The following TBC1D14 variants were observed in gnomAD, a reference collection of about 807,000 sequenced individuals.
TBC1D14 encodes TBC1 domain family member 14, also known as TBC1 domain family, member 14.
Under a neutral mutation model 79.0 loss-of-function variants are expected in TBC1D14, and 26 were observed. The ratio of observed to expected loss-of-function variants is 0.33; its 90% confidence interval spans 0.24 to 0.46. The LOEUF is 0.46. Among genes scored for constraint, TBC1D14 ranks in the 20% least tolerant of loss-of-function variants. The probability of loss-of-function intolerance (pLI) is 1.00; values close to 1 mark genes in which losing one functional copy is unlikely to be tolerated. For synonymous variants in TBC1D14, 394 were observed against 349.9 expected, an observed-to-expected ratio of 1.13 and a Z score of -1.40; for missense variants, 769 against 887.6, an observed-to-expected ratio of 0.87 and a Z score of 1.70.
intron 2 of TBC1D14, among the ~76,000 whole-genome samples, chr4:6,932,396 T>TG (rs1711846052): frequency 6.8e-6 from 1 of 147,418 alleles, no homozygotes; most frequent in African/African-American, 2.5e-5. Flanking sequence ...AAAAAAGACT[T>TG]GAAGATGTCA....
At chr4:6,940,895 C>T (rs1712841747) in intron 2 of TBC1D14, among the ~76,000 whole-genome samples, 1 of 152,144 alleles carries the variant, frequency 6.6e-6, no homozygotes, top group Admixed American at 6.5e-5. Context: ...TCACCGCGTC[C>T]CGGCTTATGG....
chr4:6,970,286 T>C lies in TBC1D14; in HGVS notation c.843+2862T>C, dbSNP rs572912515. Among the ~76,000 whole-genome samples, 7 of 152,372 alleles carry C rather than the reference T, an allele frequency of 4.6e-5. No homozygotes were observed. The South Asian group carries it at 1.4e-3, about 32-fold the overall frequency. On this transcript the variant is annotated intron_variant, in intron 3 of 13. Transcript: ENST00000409757. ...TTTGTATCCCAGCTCTGCTACGGTT[T>C]GGTTGTGTGACTTTGGGCAAGTTAT...
chr4:6,965,270 G>A (rs1416936107), intron 2 of TBC1D14, among the ~76,000 whole-genome samples: 1 of 152,046 alleles, frequency 6.6e-6, no homozygotes, highest in African/African-American at 2.4e-5. Context: ...CGATTCTCCT[G>A]CCTCAGCCTC....
At chr4:6,911,742 G>A (rs1359715489) in intron 1 of TBC1D14, among the ~76,000 whole-genome samples, 1 of 152,176 alleles carries the variant, frequency 6.6e-6, no homozygotes, top group Non-Finnish European at 1.5e-5. Flanking sequence ...TGGGGACACA[G>A]CTAGTCAGAG....
At position 6,923,557 on chromosome 4, in the gene TBC1D14, A is replaced by C; in HGVS notation, c.168A>C (p.Glu56Asp). Residue 56 changes from glutamate (E) to aspartate (D), a missense_variant, in exon 2 of 14, where the codon GAA becomes GAC. Physicochemically the swap from Glu to Asp is conservative, Grantham distance 45 (BLOSUM62 2). Around this residue, in one of 2 missense-constraint regions of TBC1D14, gnomAD observed 402 missense variants for 393.2 expected, o/e 1.02. Transcript: ENST00000409757. Reference sequence around the variant, plus strand: ...CCAAGCTGAAACTCAGGGCTTTAGAAGACCGGCACAGCCTCCAGTCCGTGG... The same window carrying C: ...CCAAGCTGAAACTCAGGGCTTTAGACGACCGGCACAGCCTCCAGTCCGTGG... ...YGPKLKLRALEDRHSLQSVDS... is the reference protein window; with the variant it reads ...YGPKLKLRALDDRHSLQSVDS... 1 of 1,614,020 alleles carries C rather than the reference A, an allele frequency of 6.2e-7. No individual in the cohort carries two copies. Among genetic ancestry groups the C allele is most frequent in the East Asian group, 2.2e-5 (1 of 44,884 alleles).
chr4:6,948,568 TG>T (rs111368546), intron 2 of TBC1D14, among the ~76,000 whole-genome samples: 1 of 152,032 alleles, frequency 6.6e-6, no homozygotes, highest in Non-Finnish European at 1.5e-5. Context: ...TGTGCGTGCC[TG>T]GGGGGTGGGA....
chr4:6,915,666 A>G (rs1225053780), intron 1 of TBC1D14, among the ~76,000 whole-genome samples: 1 of 152,074 alleles, frequency 6.6e-6, no homozygotes, highest in African/African-American at 2.4e-5. Context: ...TCAGGACGGT[A>G]CCTGGTACTC....
chr4:6,988,885 CTTTTTTTTTT>C (rs34268749), intron 3 of TBC1D14, among the ~76,000 whole-genome samples: 9 of 76,822 alleles, frequency 1.2e-4, no homozygotes, highest in South Asian at 5.7e-4. Context: ...TTCTTTCTTT[CTTTTTTTTTT>C]TTTTTTTTTT....
At chr4:6,959,150 G>A (rs1178232698) in intron 2 of TBC1D14, among the ~76,000 whole-genome samples, 1 of 152,194 alleles carries the variant, frequency 6.6e-6, no homozygotes, top group Non-Finnish European at 1.5e-5. Flanking sequence ...CTCCCAAAGT[G>A]CTGGGATTAC....
chr4:7,010,803 G>C, intron 11 of TBC1D14, 22 bp downstream of exon 11: 2 of 1,609,974 alleles, frequency 1.2e-6, no homozygotes, highest in Non-Finnish European at 1.7e-6. Flanking sequence ...CTGTGTTCGG[G>C]CCCTGGGTAC....
chr4:6,915,695 G>C (rs1723344635), intron 1 of TBC1D14, among the ~76,000 whole-genome samples: 1 of 152,074 alleles, frequency 6.6e-6, no homozygotes, highest in Non-Finnish European at 1.5e-5. Context: ...GCCATCCTGC[G>C]GTGCTGCTGT....
intron 2 of TBC1D14, among the ~76,000 whole-genome samples, chr4:6,936,517 T>C (rs1304897959): frequency 6.6e-6 from 1 of 152,236 alleles, no homozygotes; most frequent in African/African-American, 2.4e-5. Context: ...TACCGTAGTT[T>C]ATCCATTCAC....
At chr4:6,974,513 C>G (rs546261469) in intron 3 of TBC1D14, among the ~76,000 whole-genome samples, 5 of 152,282 alleles carry the variant, frequency 3.3e-5, no homozygotes, top group Admixed American at 6.5e-5. Context: ...GAGTAGCTTA[C>G]GTAGACTTGG....
chr4:6,922,652 C>G (rs1723956753), intron 1 of TBC1D14, among the ~76,000 whole-genome samples: 1 of 152,178 alleles, frequency 6.6e-6, no homozygotes, highest in Non-Finnish European at 1.5e-5. Flanking sequence ...GATTTTAATG[C>G]TGTCTCAGAA....
At chr4:6,943,373 A>G (rs896784713) in intron 2 of TBC1D14, among the ~76,000 whole-genome samples, 8 of 152,192 alleles carry the variant, frequency 5.3e-5, no homozygotes, top group African/African-American at 1.9e-4. Context: ...TAAATGCCTG[A>G]AACCGATTAG....
Position 6,923,411 on chromosome 4 carries a change from A to G in TBC1D14, c.22A>G (p.Thr8Ala), listed in dbSNP as rs1341613294. ...CAAGATGACTGATGGAAAACTCTCC[A>G]CCTCTACAAATGGCGTAGCCTTCAT... MTDGKLS[T>A]STNGVAFMGI... The change falls in exon 2 of 14, where the codon ACC becomes GCC. Residue 8 changes from threonine to alanine, a missense_variant. Physicochemically the swap from Thr to Ala is moderately conservative, Grantham distance 58. Transcript: ENST00000409757. The G allele has an allele frequency of 6.2e-7, 1 of 1,608,708 alleles. No homozygotes were observed. Among genetic ancestry groups the G allele is most frequent in the South Asian group, 1.1e-5 (1 of 90,822 alleles).
chr4:6,964,071 C>T (rs549017703), intron 2 of TBC1D14, among the ~76,000 whole-genome samples: 129 of 152,330 alleles, frequency 8.5e-4, no homozygotes, highest in African/African-American at 1.7e-3. Context: ...ACTGGGATTA[C>T]AGGTGTGAGC....
intron 1 of TBC1D14, among the ~76,000 whole-genome samples, chr4:6,912,279 C>T (rs1264988357): frequency 4.0e-5 from 6 of 151,720 alleles, no homozygotes. Flanking sequence ...ACTTGGGAGG[C>T]CGAGGCAGGA....
At chr4:6,992,691 T>C (rs1226728949) in intron 3 of TBC1D14, among the ~76,000 whole-genome samples, 1 of 152,240 alleles carries the variant, frequency 6.6e-6, no homozygotes, top group Admixed American at 6.5e-5. Context: ...AGCTTTTGTT[T>C]GATTTCCTAT....
Sources: gnomAD v4.1 joint callset for allele counts (sites outside exome capture counted in the v4.1 genomes callset) on GRCh38, gnomAD v4.1.1 for gene constraint, gnomAD v4.1.1 regional missense constraint, MANE v1.5 for transcripts, NCBI Gene and HGNC (gene_info 2026-07-23, HGNC 2026-07-21) for gene names.